The following SLC8A1 variants were observed in gnomAD, a reference collection of about 807,000 sequenced individuals.
SLC8A1 encodes sodium/calcium exchanger 1.
In SLC8A1, 18 loss-of-function variants were observed where a neutral mutation model predicts 68.3. The ratio of observed to expected loss-of-function variants is 0.26; its 90% CI spans 0.18 to 0.39. The LOEUF (loss-of-function observed/expected upper bound fraction) is 0.39, where lower values mean the gene tolerates loss of function less well. SLC8A1 is among the 10% of genes least tolerant of loss of function. SLC8A1 has a pLI of 1.00. For synonymous variants in SLC8A1, 475 were observed against 415.5 expected (o/e 1.14, Z -1.74); for missense variants, 985 against 1,156.7 (o/e 0.85, Z 2.15).
At chr2:40,488,626 A>G (rs1054866050) in intron 1 of SLC8A1, among the ~76,000 whole-genome samples, 2 of 152,104 alleles carry the variant, frequency 1.3e-5, no homozygotes, top group African/African-American at 4.8e-5. Flanking sequence ...GGGGGGAGAA[A>G]AAGAAAAACA....
chr2:40,471,177 C>A (rs1389669078), intron 1 of SLC8A1, among the ~76,000 whole-genome samples: 2 of 152,302 alleles, frequency 1.3e-5, no homozygotes, highest in East Asian at 1.9e-4. Flanking sequence ...ATCTTTAGAA[C>A]CACCCTCTGA....
In SLC8A1 at chr2:40,398,642, T is replaced by G. The variant is rs567786708; in HGVS notation, c.1808+29831A>C. Among the ~76,000 whole-genome samples, 14 of 152,376 alleles carry G rather than the reference T, an allele frequency of 9.2e-5. No individual in the cohort carries two copies. In the South Asian group the frequency reaches 2.9e-3, roughly 32 times the overall value. ...ATATGATTTTTAAAAGTCCCTTTTA[T>G]GAAATAAAATATGTGAACATCTTTT... is the stretch of plus-strand genomic sequence containing the variant. On this transcript the variant is annotated intron_variant, in intron 2 of 7. Coordinates refer to ENST00000406785, the Ensembl canonical transcript of SLC8A1.
At chr2:40,146,754 G>A (rs954785874) in intron 6 of SLC8A1, among the ~76,000 whole-genome samples, 8 of 152,068 alleles carry the variant, frequency 5.3e-5, no homozygotes, top group Admixed American at 5.2e-4. Context: ...CTATATATTT[G>A]TAACTTGGAC....
At chr2:40,463,751 C>T (rs1031312508) in intron 1 of SLC8A1, among the ~76,000 whole-genome samples, 2 of 151,514 alleles carry the variant, frequency 1.3e-5, no homozygotes, top group African/African-American at 4.9e-5. Context: ...TTGCCCATAT[C>T]CCTTCTTGAT....
intron 2 of SLC8A1, among the ~76,000 whole-genome samples, chr2:40,425,156 A>G (rs1440135853): frequency 6.6e-6 from 1 of 151,906 alleles, no homozygotes; most frequent in African/African-American, 2.4e-5. Context: ...GCTGTTAATT[A>G]TATCTATTTA....
At chr2:40,407,772 G>C (rs545613178) in intron 2 of SLC8A1, among the ~76,000 whole-genome samples, 2 of 152,216 alleles carry the variant, frequency 1.3e-5, no homozygotes, top group East Asian at 1.9e-4. Context: ...TTAAATACTT[G>C]ACCTTCCTAA....
At chr2:40,174,587 G>A in intron 4 of SLC8A1, 119 bp downstream of exon 6, 1 of 953,432 alleles carries the variant, frequency 1.0e-6, no homozygotes, top group Admixed American at 2.4e-5. Context: ...TGTAAAACCA[G>A]CAAGAGCACA....
At chr2:40,207,072 C>T (rs2055593935) in intron 2 of SLC8A1, among the ~76,000 whole-genome samples, 1 of 152,068 alleles carries the variant, frequency 6.6e-6, no homozygotes, top group Non-Finnish European at 1.5e-5. Flanking sequence ...CCAAAAACAT[C>T]TCTGTAGGTT....
intron 1 of SLC8A1, among the ~76,000 whole-genome samples, chr2:40,478,586 A>G (rs904674520): frequency 1.3e-5 from 2 of 152,172 alleles, no homozygotes. Context: ...AGTTTTTTTC[A>G]GTAAAATATT....
intron 2 of SLC8A1, among the ~76,000 whole-genome samples, chr2:40,314,138 T>C (rs1164806541): frequency 6.6e-6 from 1 of 152,078 alleles, no homozygotes; most frequent in African/African-American, 2.4e-5. Flanking sequence ...TAATTGAGGT[T>C]TTTTATTAGG....
intron 2 of SLC8A1, among the ~76,000 whole-genome samples, chr2:40,332,522 C>G (rs373583299): frequency 5.3e-5 from 8 of 152,262 alleles, no homozygotes; most frequent in Admixed American, 2.0e-4. Flanking sequence ...CCTCAACTTC[C>G]TTATTCTGAC....
chr2:40,135,089 G>C (rs2040233306), intron 7 of SLC8A1, among the ~76,000 whole-genome samples: 1 of 152,188 alleles, frequency 6.6e-6, no homozygotes, highest in Admixed American at 6.5e-5. Flanking sequence ...AATGAGCTTG[G>C]TGTGTGGATA....
chr2:40,464,300 C>A (rs772364191), intron 1 of SLC8A1, among the ~76,000 whole-genome samples: 2 of 152,174 alleles, frequency 1.3e-5, no homozygotes, highest in African/African-American at 2.4e-5. Context: ...ACAAAAACAG[C>A]ACTGGCTGAA....
intron 2 of SLC8A1, among the ~76,000 whole-genome samples, chr2:40,370,874 T>G (rs760167148): frequency 2.8e-4 from 43 of 152,100 alleles, no homozygotes; most frequent in Non-Finnish European, 5.7e-4. Flanking sequence ...CTGGAGACAC[T>G]GAGAAAGTAA....
At chr2:40,244,360 CCAA>C (rs1057159687) in intron 2 of SLC8A1, among the ~76,000 whole-genome samples, 3 of 151,988 alleles carry the variant, frequency 2.0e-5, no homozygotes, top group African/African-American at 7.2e-5. Flanking sequence ...TTTAAATTTC[CCAA>C]CAACACTAAG....
intron 2 of SLC8A1, among the ~76,000 whole-genome samples, chr2:40,413,670 A>G (rs537389272): frequency 6.6e-6 from 1 of 152,286 alleles, no homozygotes; most frequent in Non-Finnish European, 1.5e-5. Context: ...AGACCTTACT[A>G]CATATAATAT....
chr2:40,433,784 G>A (rs1698852758), intron 1 of SLC8A1, among the ~76,000 whole-genome samples: 1 of 152,294 alleles, frequency 6.6e-6, no homozygotes, highest in East Asian at 1.9e-4. Context: ...CTGATAGTGT[G>A]TGAAGTAATC....
intron 2 of SLC8A1, among the ~76,000 whole-genome samples, chr2:40,398,849 G>C (rs1687817897): frequency 2.0e-5 from 3 of 152,182 alleles, no homozygotes; most frequent in Admixed American, 1.3e-4. Context: ...ATTGATAAAT[G>C]ACACACTTCC....
intron 2 of SLC8A1, among the ~76,000 whole-genome samples, chr2:40,189,481 C>T (rs547020896): frequency 1.3e-5 from 2 of 152,112 alleles, no homozygotes; most frequent in African/African-American, 2.4e-5. Flanking sequence ...CCACCGCGCC[C>T]GAATAATTTT....
Sources: allele counts gnomAD v4.1 joint callset (sites outside exome capture counted in the v4.1 genomes callset), GRCh38; gene constraint gnomAD v4.1.1; transcripts MANE v1.5; gene names NCBI Gene and HGNC (gene_info 2026-07-23, HGNC 2026-07-21).